Variants in NXN observed in about 807,000 individuals in gnomAD.
The protein encoded by NXN is nucleoredoxin.
A neutral mutation model predicts 48.6 loss-of-function variants in NXN; 16 were observed. The observed-to-expected ratio is 0.33, with a 90% CI of 0.22 to 0.50. NXN has a LOEUF of 0.50. NXN is among the 20% of genes least tolerant of loss of function. The pLI, the probability that NXN is intolerant of heterozygous loss-of-function variation, is 0.98. For missense variants in NXN, 492 were observed against 605.5 expected, an observed-to-expected ratio of 0.81 and a Z score of 1.97; for synonymous variants, 281 against 269.6, an observed-to-expected ratio of 1.04 and a Z score of -0.41.
chr17:896,854 A>AGCCGGGGGG, intron 1 of NXN: 3 of 908,606 alleles, frequency 3.3e-6, no homozygotes, highest in Non-Finnish European at 4.5e-6. Flanking sequence ...CGCGGTCCTG[A>AGCCGGGGGG]CCACCCGCCC....
At chr17:853,842 G>A (rs2067955056) in intron 1 of NXN, among the ~76,000 whole-genome samples, 1 of 150,894 alleles carries the variant, frequency 6.6e-6, no homozygotes, top group African/African-American at 2.4e-5. Flanking sequence ...TCCTGCCCCA[G>A]CCTCCCAAGT....
intron 1 of NXN, among the ~76,000 whole-genome samples, chr17:840,033 G>C (rs931420004): frequency 6.6e-6 from 1 of 151,514 alleles, no homozygotes; most frequent in Non-Finnish European, 1.5e-5. Flanking sequence ...AGAGGTGGAG[G>C]TTGCAGTGAG....
At chr17:841,535 A>C (rs78054018) in intron 1 of NXN, among the ~76,000 whole-genome samples, 1,186 of 7,672 alleles carry the variant, frequency 0.15, 119 homozygotes, top group South Asian at 0.18. Flanking sequence ...CCGACCATGG[A>C]GCATCTCACG....
At chr17:945,474 GA>G (rs950412987) in intron 1 of NXN, among the ~76,000 whole-genome samples, 8 of 150,070 alleles carry the variant, frequency 5.3e-5, no homozygotes, top group Non-Finnish European at 7.4e-5. Flanking sequence ...CTAAAAATAC[GA>G]AAAAAATTAG....
intron 1 of NXN, among the ~76,000 whole-genome samples, chr17:843,558 A>G (rs1050781452): frequency 7.2e-5 from 11 of 152,352 alleles, no homozygotes; most frequent in African/African-American, 2.4e-4. Flanking sequence ...GGCTAGGGCC[A>G]TATGTGCTCA....
At chr17:843,365 G>A (rs1434978763) in intron 1 of NXN, among the ~76,000 whole-genome samples, 1 of 152,200 alleles carries the variant, frequency 6.6e-6, no homozygotes, top group Non-Finnish European at 1.5e-5. Context: ...TTAGCTGGGA[G>A]CACAAACGGC....
chr17:804,271 C>T (rs1025238566), intron 6 of NXN, among the ~76,000 whole-genome samples: 12 of 132,084 alleles, frequency 9.1e-5, no homozygotes, highest in Admixed American at 8.6e-4. Flanking sequence ...GTCTGGTCAG[C>T]GGCTTTTTTT....
At chr17:976,162 TA>T (rs2069455229) in intron 1 of NXN, among the ~76,000 whole-genome samples, 1 of 150,572 alleles carries the variant, frequency 6.6e-6, no homozygotes, top group Admixed American at 6.7e-5. Context: ...CAATTTTGTA[TA>T]AAGAATGTTT....
chr17:881,548 C>T (rs537113907), intron 1 of NXN, among the ~76,000 whole-genome samples: 26 of 152,244 alleles, frequency 1.7e-4, no homozygotes, highest in Admixed American at 1.2e-3. Flanking sequence ...TTTGAAGAAC[C>T]GTTTGGTCCA....
intron 1 of NXN, among the ~76,000 whole-genome samples, chr17:916,765 G>A (rs912112893): frequency 1.3e-5 from 2 of 152,156 alleles, no homozygotes; most frequent in South Asian, 2.1e-4. Flanking sequence ...AGGTGTGGTG[G>A]CGGACATCTG....
chr17:815,857 T>TGTGCACACAC (rs1014010865), intron 5 of NXN, among the ~76,000 whole-genome samples: 1 of 152,228 alleles, frequency 6.6e-6, no homozygotes, highest in African/African-American at 2.4e-5. Flanking sequence ...TGTACACACC[T>TGTGCACACAC]GTGCACACAC....
chr17:890,324 C>T (rs1181438428), intron 1 of NXN, among the ~76,000 whole-genome samples: 4 of 152,028 alleles, frequency 2.6e-5, no homozygotes, highest in Admixed American at 6.6e-5. Context: ...ACTTTTGTTC[C>T]GCAAAGCTCT....
In NXN at chr17:917,766, G is replaced by A. The variant is rs543651683; in HGVS notation, c.360+61553C>T. 2.0e-5 allele frequency among the ~76,000 whole-genome samples: 3 copies of A among 152,328 alleles called. No homozygotes were observed. The highest frequency in any genetic ancestry group is 2.9e-5 in the Non-Finnish European group (2 of 68,038). Reference sequence around the variant, plus strand: ...GCGCGTACTGGCACAACAGGCGGGCGTGGCTCTCGCTCCCCAGGAAGGCCT... The same window carrying A: ...GCGCGTACTGGCACAACAGGCGGGCATGGCTCTCGCTCCCCAGGAAGGCCT... On this transcript the variant is annotated intron_variant, in intron 1 of 7. Coordinates refer to ENST00000336868, the MANE Select transcript of NXN (RefSeq NM_022463.5). This position sits in a 1 kb window ranked among gnomAD's most constrained non-coding sequence, Gnocchi z 4.5.
intron 1 of NXN, among the ~76,000 whole-genome samples, chr17:942,991 A>C (rs1204211205): frequency 6.5e-5 from 7 of 106,994 alleles, no homozygotes; most frequent in Admixed American, 1.0e-4. Flanking sequence ...ATGAACTCAC[A>C]TCACACCTTC....
At chr17:880,444 A>G (rs557889745) in intron 1 of NXN, among the ~76,000 whole-genome samples, 5 of 152,328 alleles carry the variant, frequency 3.3e-5, no homozygotes, top group African/African-American at 7.2e-5. Context: ...TAGGAAACTA[A>G]TAAGTTACAC....
At chr17:903,358 A>G (rs1367402121) in intron 1 of NXN, among the ~76,000 whole-genome samples, 1 of 149,450 alleles carries the variant, frequency 6.7e-6, no homozygotes, top group Non-Finnish European at 1.5e-5. Flanking sequence ...GGCGCCCGCC[A>G]CCATGCCCAG....
At chr17:803,935 T>G in intron 6 of NXN, 129 bp from the exon 7 acceptor site, 4 of 1,197,254 alleles carry the variant, frequency 3.3e-6, no homozygotes, top group Non-Finnish European at 4.7e-6. Context: ...GGAAATGAAC[T>G]TCCCCTTGGA....
chr17:831,478 T>TTTATTTATTTATTTATTTATTTA (rs10675426), intron 1 of NXN, among the ~76,000 whole-genome samples: 4 of 100,576 alleles, frequency 4.0e-5, no homozygotes, highest in South Asian at 6.1e-4. Flanking sequence ...TATTTATTTA[T>TTTATTTATTTATTTATTTATTTA]TTATTATTTT....
intron 1 of NXN, among the ~76,000 whole-genome samples, chr17:946,174 T>C (rs11867296): frequency 0.74 from 111,165 of 150,154 alleles, 41,569 homozygotes; most frequent in Middle Eastern, 0.83. Context: ...CTCGCTCTGT[T>C]GCCCAGGCTG....
Sources: gnomAD v4.1 joint callset for allele counts (sites outside exome capture counted in the v4.1 genomes callset) on GRCh38, gnomAD v4.1.1 for gene constraint, Gnocchi (gnomAD v3.1) non-coding constraint, MANE v1.5 for transcripts, NCBI Gene and HGNC (gene_info 2026-07-23, HGNC 2026-07-21) for gene names.